Variants in PIGK observed in about 807,000 individuals in gnomAD.
PIGK encodes phosphatidylinositol glycan anchor biosynthesis class K, also known as GPI-anchor transamidase.
Under a neutral mutation model 50.6 loss-of-function variants are expected in PIGK, and 42 were observed. The ratio of observed to expected loss-of-function variants is 0.83; its 90% CI spans 0.65 to 1.07. The LOEUF (loss-of-function observed/expected upper bound fraction) is 1.07, where lower values mean the gene tolerates loss of function less well. Among genes scored for constraint, PIGK ranks in the 50% least tolerant of loss-of-function variants. The probability of loss-of-function intolerance (pLI) is 0.00; values close to 1 mark genes in which losing one functional copy is unlikely to be tolerated. For synonymous variants in PIGK, 151 were observed against 156.0 expected, an observed-to-expected ratio of 0.97 and a Z score of 0.24; for missense variants, 448 against 488.7, an observed-to-expected ratio of 0.92 and a Z score of 0.78.
chr1:77,098,243 A>G (rs1403585644), intron 10 of PIGK, among the ~76,000 whole-genome samples: 2 of 152,186 alleles, frequency 1.3e-5, no homozygotes, highest in Middle Eastern at 3.2e-3. Context: ...AAATAGAAGA[A>G]GAAAAAAAAG....
At chr1:77,216,631 G>T (rs775620070) in intron 1 of PIGK, among the ~76,000 whole-genome samples, 4 of 152,076 alleles carry the variant, frequency 2.6e-5, no homozygotes, top group South Asian at 4.1e-4. Flanking sequence ...GCATGTGTGT[G>T]TGGGGGGGTG....
intron 9 of PIGK, 64 bp downstream of exon 9, chr1:77,154,385 T>C: frequency 7.7e-7 from 1 of 1,294,118 alleles, no homozygotes; most frequent in Non-Finnish European, 1.1e-6. Flanking sequence ...TAATACAATG[T>C]TTCAAAAAAA....
At chr1:77,166,361 C>T (rs541870384) in intron 5 of PIGK, among the ~76,000 whole-genome samples, 1 of 151,912 alleles carries the variant, frequency 6.6e-6, no homozygotes, top group African/African-American at 2.4e-5. Flanking sequence ...AGATGGAAAA[C>T]CATTATAAAG....
chr1:77,188,406 C>T (rs961932251), intron 3 of PIGK, among the ~76,000 whole-genome samples: 1 of 152,152 alleles, frequency 6.6e-6, no homozygotes, highest in African/African-American at 2.4e-5. Context: ...CACTCCCAGG[C>T]TTATTAGGAA....
At position 77,091,025 on chromosome 1, in the gene PIGK, G is replaced by T. The variant is rs1653284401; in HGVS notation, c.*1349C>A. 6.6e-6 allele frequency: 1 copy of T among 151,998 alleles called. No homozygotes were observed. Among genetic ancestry groups the T allele is most frequent in the African/African-American group, 2.4e-5 (1 of 41,402 alleles). 9.4% of individuals were successfully genotyped at this position (151,998 alleles called of 1,614,324 possible). On this transcript the variant is annotated 3_prime_UTR_variant, in exon 11 of 11. Coordinates refer to ENST00000370812, the MANE Select transcript of PIGK (RefSeq NM_005482.3). ...ATCTTAAGGAATATTAATTTTAGGA[G>T]GTTTTCTTGTGGAGGAAGAGTTGTC... is the stretch of plus-strand genomic sequence containing the variant.
intron 9 of PIGK, chr1:77,129,163 C>G (rs771734371): frequency 7.8e-6 from 12 of 1,537,724 alleles, no homozygotes; most frequent in Non-Finnish European, 9.9e-6. Flanking sequence ...TCATGCAAAT[C>G]AAGAGGTTCC....
Position 77,163,879 on chromosome 1 carries a change from G to GC in PIGK, c.550dup (p.Ala184GlyfsTer5). 1 of 1,608,860 alleles carries GC rather than the reference G, an allele frequency of 6.2e-7. No homozygotes were observed. The highest frequency in any genetic ancestry group is 8.5e-7 in the Non-Finnish European group (1 of 1,176,904). ...CTGCCACATTTGTTCAAAAGCATCCGCGAGTTCTATGTTGGTAATTTCTTC... is the reference window on the plus strand; with the variant it reads ...CTGCCACATTTGTTCAAAAGCATCCGCCGAGTTCTATGTTGGTAATTTCTTC... On this transcript the variant is annotated frameshift_variant, in exon 6 of 11. Coordinates refer to ENST00000370812, the MANE Select transcript of PIGK (RefSeq NM_005482.3). LOFTEE classifies it high-confidence loss of function.
At chr1:77,121,195 C>T (rs982991637) in intron 10 of PIGK, among the ~76,000 whole-genome samples, 6 of 152,158 alleles carry the variant, frequency 3.9e-5, no homozygotes, top group Non-Finnish European at 5.9e-5. Context: ...TTCATTTATG[C>T]TGAGAGTCAG....
At chr1:77,158,172 A>G (rs577307659) in intron 8 of PIGK, among the ~76,000 whole-genome samples, 1 of 152,106 alleles carries the variant, frequency 6.6e-6, no homozygotes, top group Non-Finnish European at 1.5e-5. Context: ...ATGTGCCACC[A>G]TGCCCAGCTA....
intron 3 of PIGK, among the ~76,000 whole-genome samples, chr1:77,174,304 G>T (rs1168976811): frequency 2.0e-5 from 3 of 152,186 alleles, no homozygotes; most frequent in East Asian, 3.8e-4. Flanking sequence ...TTAATTAAAA[G>T]TGGATATTCA....
chr1:77,195,548 C>G (rs1000539337), intron 3 of PIGK, among the ~76,000 whole-genome samples: 2 of 152,182 alleles, frequency 1.3e-5, no homozygotes, highest in East Asian at 3.9e-4. Context: ...GATTACAACT[C>G]AAAAGTAGTT....
intron 10 of PIGK, among the ~76,000 whole-genome samples, chr1:77,117,729 T>G (rs1458802586): frequency 6.6e-6 from 1 of 152,238 alleles, no homozygotes; most frequent in African/African-American, 2.4e-5. Flanking sequence ...GTGTTACCAC[T>G]CTCATCTGTC....
intron 10 of PIGK, among the ~76,000 whole-genome samples, chr1:77,103,912 A>G (rs1272921221): frequency 7.9e-5 from 12 of 152,032 alleles, no homozygotes; most frequent in Non-Finnish European, 1.5e-5. Context: ...AAGCTCCTTC[A>G]GGGTTGGGAA....
At chr1:77,191,149 A>G (rs1184511123) in intron 3 of PIGK, among the ~76,000 whole-genome samples, 1 of 152,240 alleles carries the variant, frequency 6.6e-6, no homozygotes, top group African/African-American at 2.4e-5. Flanking sequence ...ACAAGTTACT[A>G]TCTTTCTGAT....
intron 3 of PIGK, among the ~76,000 whole-genome samples, chr1:77,174,550 A>C (rs1041295836): frequency 6.6e-6 from 1 of 152,178 alleles, no homozygotes; most frequent in South Asian, 2.1e-4. Flanking sequence ...TCAGGTAGGA[A>C]ATATACTTTT....
intron 10 of PIGK, among the ~76,000 whole-genome samples, chr1:77,115,193 CATATAATGTAAAGAGCTAG>C (rs2100522652): frequency 1.3e-5 from 2 of 152,232 alleles, no homozygotes; most frequent in East Asian, 3.9e-4. Context: ...CAATCCATGT[CATATAATGTAAAGAGCTAG>C]AATTACAGAG....
chr1:77,124,789 T>C (rs533786724), intron 9 of PIGK, among the ~76,000 whole-genome samples: 1 of 152,304 alleles, frequency 6.6e-6, no homozygotes, highest in East Asian at 1.9e-4. Context: ...GGGACTTGTA[T>C]TAAGAATGCA....
intron 2 of PIGK, among the ~76,000 whole-genome samples, chr1:77,209,609 C>T (rs1049304952): frequency 1.1e-4 from 16 of 152,032 alleles, no homozygotes; most frequent in African/African-American, 3.9e-4. Context: ...GAAAATCAGT[C>T]AGGTCACAGA....
Position 77,091,874 on chromosome 1 carries a change from A to G in PIGK, c.*500T>C, listed in dbSNP as rs1653308604. On this transcript the variant is annotated 3_prime_UTR_variant, in exon 11 of 11. Transcript: ENST00000370812. ...TAAAGTGAATACTATGCAGTCATTC[A>G]CAATGTATTTTTGAGAGGGAAAAGG... 2 of 152,586 alleles carry G rather than the reference A, an allele frequency of 1.3e-5. No individual in the cohort carries two copies. Among genetic ancestry groups the G allele is most frequent in the Non-Finnish European group, 2.9e-5 (2 of 68,322 alleles). The allele number at this position is 152,586 out of a possible 1,614,324, so 9.5% of individuals were successfully genotyped here. A position where few individuals can be genotyped will look rare whatever the true frequency, so the allele number is the denominator to read the frequency against.
Sources: gnomAD v4.1 joint callset for allele counts (sites outside exome capture counted in the v4.1 genomes callset) on GRCh38, gnomAD v4.1.1 for gene constraint, MANE v1.5 for transcripts, NCBI Gene and HGNC (gene_info 2026-07-23, HGNC 2026-07-21) for gene names.